TMEM67: variants seen among roughly 807,000 people sequenced by gnomAD.
TMEM67 encodes transmembrane protein 67, also known as meckelin.
A neutral mutation model predicts 136.6 loss-of-function variants in TMEM67; 124 were observed. The observed-to-expected ratio is 0.91, with a 90% CI of 0.78 to 1.05. The LOEUF is 1.05. Ranked by LOEUF, TMEM67 falls within the 50% of genes least tolerant of loss-of-function variation. TMEM67 has a pLI of 0.00. For synonymous variants in TMEM67, 364 were observed against 390.5 expected, an observed-to-expected ratio of 0.93 and a Z score of 0.80; for missense variants, 1,107 against 1,178.4, an observed-to-expected ratio of 0.94 and a Z score of 0.89.
chr8:93,816,076 C>T (rs1158748822), intron 27 of TMEM67, among the ~76,000 whole-genome samples: 1 of 152,022 alleles, frequency 6.6e-6, no homozygotes, highest in African/African-American at 2.4e-5. Context: ...TTGATGTTTC[C>T]GTAGTTTTAG....
intron 11 of TMEM67, 66 bp from the exon 12 acceptor site, chr8:93,785,156 A>G (rs1814034377): frequency 1.0e-6 from 1 of 953,976 alleles, no homozygotes; most frequent in Non-Finnish European, 1.7e-6. Context: ...CTTTTATTTT[A>G]TTTTTTACTT....
chr8:93,814,710 C>T (rs1165851142), intron 26 of TMEM67, among the ~76,000 whole-genome samples: 1 of 147,988 alleles, frequency 6.8e-6, no homozygotes, highest in Non-Finnish European at 1.5e-5. Context: ...TGGTCTTGAA[C>T]TCCTGGCCTC....
intron 15 of TMEM67, among the ~76,000 whole-genome samples, chr8:93,792,291 C>A (rs1369143863): frequency 6.6e-6 from 1 of 152,158 alleles, no homozygotes; most frequent in African/African-American, 2.4e-5. Context: ...CCTGCCTCAG[C>A]CTCCCTAGTA....
intron 4 of TMEM67, among the ~76,000 whole-genome samples, chr8:93,764,495 T>C (rs1262640086): frequency 1.7e-5 from 1 of 59,742 alleles, no homozygotes; most frequent in Non-Finnish European, 3.4e-5. Flanking sequence ...GTGCATGTAT[T>C]TGTGAAACAC....
chr8:93,810,009 C>T, intron 26 of TMEM67, 122 bp downstream of exon 26: 1 of 607,682 alleles, frequency 1.6e-6, no homozygotes, highest in Non-Finnish European at 2.8e-6. Flanking sequence ...TGCTCTGTTG[C>T]CCAGGCTGGA....
Position 93,799,770 on chromosome 8 carries a change from T to C in TMEM67, c.2241+12T>C, listed in dbSNP as rs1814787407. 6.8e-6 allele frequency: 11 copies of C among 1,607,806 alleles called. No individual in the cohort carries two copies. The highest frequency in any genetic ancestry group is 4.4e-5 in the South Asian group (4 of 90,964). The stretch of plus-strand genomic sequence containing the variant: ...TTGGAATTATACAGGTAAGGAATTA[T>C]ACAGGTAATATTACTTCTAAGTAAC... On this transcript the variant is annotated intron_variant, in intron 21 of 27. Transcript: ENST00000453321.
rs536213737 is a variant in TMEM67, at chr8:93,770,253, T to G, written c.652-2336T>G. On this transcript the variant is annotated intron_variant, in intron 6 of 27. Coordinates refer to ENST00000453321, the MANE Select transcript of TMEM67 (RefSeq NM_153704.6). The stretch of plus-strand genomic sequence containing the variant: ...GTAAATATATACGCAAACACAATGT[T>G]TTTTTCCCCCTGAGCCATTTGAAAA... Among the ~76,000 whole-genome samples the G allele has an allele frequency of 2.0e-5, 3 of 152,202 alleles. No homozygotes were observed. The South Asian group carries it at 6.2e-4, about 32-fold the overall frequency.
At chr8:93,810,709 A>G (rs1190524093) in intron 26 of TMEM67, among the ~76,000 whole-genome samples, 1 of 152,196 alleles carries the variant, frequency 6.6e-6, no homozygotes, top group East Asian at 1.9e-4. Flanking sequence ...AGATTCTATA[A>G]GAAAGTATTC....
chr8:93,819,240 A>G (rs1168914498), downstream of TMEM67: 2 of 430,406 alleles, frequency 4.6e-6, no homozygotes, highest in Admixed American at 5.6e-5. Context: ...TAAAACTCAG[A>G]TTACTGATCT....
Position 93,786,228 on chromosome 8 carries a change from A to G in TMEM67, c.1294A>G (p.Asn432Asp), listed in dbSNP as rs768285863. The G allele has an allele frequency of 3.7e-6, 6 of 1,613,922 alleles. No homozygotes were observed. The South Asian group carries it at 6.6e-5, about 18-fold the overall frequency. ...TTTTCTTTTTATAATAAAAGACAGC[A>G]ACTCTGGAAAGTGGCTTCTAACTCG... Reference protein sequence around the residue: ...HNKIFVNQDSNSGKWLLTRRI... With the variant: ...HNKIFVNQDSDSGKWLLTRRI... Residue 432 changes from asparagine to aspartate, a missense_variant, in exon 13 of 28, where the codon AAC (asparagine) becomes GAC (aspartate). Physicochemically the swap from Asn to Asp is conservative, Grantham distance 23. Around this residue, in one of 3 missense-constraint regions of TMEM67, gnomAD observed 925 missense variants for 1,002.4 expected, o/e 0.92. Transcript: ENST00000453321.
intron 15 of TMEM67, among the ~76,000 whole-genome samples, chr8:93,792,562 C>T (rs1814427735): frequency 6.6e-6 from 1 of 152,258 alleles, no homozygotes; most frequent in Admixed American, 6.5e-5. Context: ...TTCTGTTTCC[C>T]TAATTACTTT....
intron 11 of TMEM67, among the ~76,000 whole-genome samples, chr8:93,782,919 A>AT (rs1032698352): frequency 1.3e-5 from 2 of 152,038 alleles, no homozygotes; most frequent in African/African-American, 4.8e-5. Context: ...ATTTAATATA[A>AT]TTTTTTATTA....
intron 7 of TMEM67, among the ~76,000 whole-genome samples, chr8:93,776,853 G>A (rs1366964365): frequency 6.6e-6 from 1 of 152,174 alleles, no homozygotes; most frequent in African/African-American, 2.4e-5. Context: ...GTATCAGGAT[G>A]ATGCTGGCCT....
chr8:93,759,951 G>A (rs200665053), intron 3 of TMEM67: 1 of 1,536,290 alleles, frequency 6.5e-7, no homozygotes, highest in African/African-American at 1.4e-5. Context: ...CCTGACCTTG[G>A]CATGTACTTT....
intron 21 of TMEM67, among the ~76,000 whole-genome samples, chr8:93,803,315 TAA>T (rs960368585): frequency 1.8e-4 from 28 of 152,320 alleles, no homozygotes; most frequent in African/African-American, 6.7e-4. Context: ...CCTACATTTT[TAA>T]AAGACTTTTT....
At chr8:93,797,988 AAAAC>A (rs1221600224) in intron 20 of TMEM67, among the ~76,000 whole-genome samples, 9 of 152,238 alleles carry the variant, frequency 5.9e-5, no homozygotes, top group Admixed American at 2.0e-4. Flanking sequence ...ATCTCAGAAA[AAAAC>A]AAACAAACAA....
At chr8:93,792,823 T>G (rs1288015464) in intron 15 of TMEM67, among the ~76,000 whole-genome samples, 2 of 147,482 alleles carry the variant, frequency 1.4e-5, no homozygotes, top group Non-Finnish European at 3.0e-5. Context: ...CAGGCTGGAG[T>G]GCAGTGGCGC....
At chr8:93,793,362 A>G (rs1371829714) in intron 16 of TMEM67, 66 bp downstream of exon 16, 4 of 1,311,616 alleles carry the variant, frequency 3.0e-6, no homozygotes, top group Non-Finnish European at 4.4e-6. Flanking sequence ...TTCTCATAAG[A>G]CACAGCTAGA....
intron 26 of TMEM67, among the ~76,000 whole-genome samples, chr8:93,812,055 A>G (rs994608193): frequency 5.9e-5 from 9 of 151,814 alleles, no homozygotes; most frequent in African/African-American, 2.2e-4. Flanking sequence ...AGGCTGAGGC[A>G]GGAGAATCGC....
Sources: gnomAD v4.1 joint callset for allele counts (sites outside exome capture counted in the v4.1 genomes callset) on GRCh38, gnomAD v4.1.1 for gene constraint, gnomAD v4.1.1 regional missense constraint, MANE v1.5 for transcripts, NCBI Gene and HGNC (gene_info 2026-07-23, HGNC 2026-07-21) for gene names.